Variants in ZNF654 observed in about 807,000 individuals in gnomAD.
The protein encoded by ZNF654 is zinc finger protein 654.
A neutral mutation model predicts 95.3 loss-of-function variants in ZNF654; 19 were observed. The observed-to-expected ratio is 0.20, with a 90% CI of 0.14 to 0.29. The LOEUF is 0.29. ZNF654 is among the 10% of genes least tolerant of loss of function. The probability of loss-of-function intolerance (pLI) is 1.00; values close to 1 mark genes in which losing one functional copy is unlikely to be tolerated. For missense variants in ZNF654, 1,046 were observed against 1,341.0 expected (o/e 0.78, Z 3.44); for synonymous variants, 413 against 457.9 (o/e 0.90, Z 1.25).
chr3:88,083,756 C>T (rs1360244051), intron 1 of ZNF654, among the ~76,000 whole-genome samples: 1 of 152,008 alleles, frequency 6.6e-6, no homozygotes, highest in African/African-American at 2.4e-5. Context: ...GCAGCTTCAG[C>T]GTTATCCTGG....
In ZNF654 at chr3:88,140,918, G is replaced by A. The variant is rs758197083; in HGVS notation, c.3249G>A (p.Val1083=). 6.2e-7 allele frequency: 1 copy of A among 1,613,532 alleles called. No homozygotes were observed. The highest frequency in any genetic ancestry group is 8.5e-7 in the Non-Finnish European group (1 of 1,179,616). ...RVDACSDQDN[V]YKKSVKRLRC... is the part of the protein sequence containing the mutation. ...ATGCCTGTTCTGATCAAGATAACGTGTATAAAAAATCAGTGAAAAGATTAA... is the reference window on the plus strand; with the variant it reads ...ATGCCTGTTCTGATCAAGATAACGTATATAAAAAATCAGTGAAAAGATTAA... Residue 1083 remains valine (V), a synonymous_variant, in exon 8 of 9, where the codon GTG becomes GTA. Transcript: ENST00000636215.
At chr3:88,083,184 G>A (rs1390376900) in intron 1 of ZNF654, among the ~76,000 whole-genome samples, 4 of 152,172 alleles carry the variant, frequency 2.6e-5, no homozygotes, top group Non-Finnish European at 5.9e-5. Context: ...CAGTCCCATC[G>A]GGGGGTTAGG....
chr3:88,100,798 C>A (rs915201632), intron 2 of ZNF654, among the ~76,000 whole-genome samples: 1 of 150,594 alleles, frequency 6.6e-6, no homozygotes, highest in Non-Finnish European at 1.5e-5. Context: ...CATCACACAG[C>A]GGGGCCTGTC....
At chr3:88,093,560 AC>A (rs774228689) in intron 2 of ZNF654, among the ~76,000 whole-genome samples, 68 of 152,200 alleles carry the variant, frequency 4.5e-4, no homozygotes, top group Non-Finnish European at 8.4e-4. Flanking sequence ...AAGAGAAAAG[AC>A]CAAAGGGTCT....
chr3:88,105,135 T>C (rs1436443668), intron 2 of ZNF654, among the ~76,000 whole-genome samples: 1 of 152,198 alleles, frequency 6.6e-6, no homozygotes, highest in Non-Finnish European at 1.5e-5. Flanking sequence ...CAAGACTCCA[T>C]CTCAGAAAAC....
chr3:88,069,986 G>A (rs1176010476), intron 1 of ZNF654, among the ~76,000 whole-genome samples: 3 of 152,062 alleles, frequency 2.0e-5, no homozygotes, highest in South Asian at 4.2e-4. Flanking sequence ...TTTATCTGTC[G>A]TACTGTCATT....
intron 5 of ZNF654, among the ~76,000 whole-genome samples, chr3:88,129,341 A>AC (rs1463550769): frequency 6.6e-6 from 1 of 151,020 alleles, no homozygotes; most frequent in African/African-American, 2.4e-5. Context: ...AAAAAAAAAA[A>AC]AAAACCCAAG....
intron 1 of ZNF654, among the ~76,000 whole-genome samples, chr3:88,065,176 G>C (rs1352650037): frequency 6.6e-6 from 1 of 152,118 alleles, no homozygotes; most frequent in South Asian, 2.1e-4. Flanking sequence ...CATAAAAGGT[G>C]AATTCCCTGG....
intron 1 of ZNF654, among the ~76,000 whole-genome samples, chr3:88,071,866 C>T (rs1194432534): frequency 6.6e-6 from 1 of 152,162 alleles, no homozygotes; most frequent in Non-Finnish European, 1.5e-5. Context: ...TTGTACTGTA[C>T]TTTTAAGACT....
At chr3:88,072,519 T>C (rs1707572654) in intron 1 of ZNF654, among the ~76,000 whole-genome samples, 1 of 152,180 alleles carries the variant, frequency 6.6e-6, no homozygotes, top group Admixed American at 6.5e-5. Flanking sequence ...ATCTGCTTCT[T>C]GGCTTTTGTT....
At chr3:88,066,023 C>T (rs1246867098) in intron 1 of ZNF654, among the ~76,000 whole-genome samples, 1 of 152,146 alleles carries the variant, frequency 6.6e-6, no homozygotes, top group African/African-American at 2.4e-5. Flanking sequence ...CATGAGCTAC[C>T]GCGCCTAGCC....
At chr3:88,105,913 T>C (rs1431952964) in intron 2 of ZNF654, among the ~76,000 whole-genome samples, 2 of 152,134 alleles carry the variant, frequency 1.3e-5, no homozygotes, top group African/African-American at 4.8e-5. Context: ...CCCTCACAGG[T>C]GGGATTAATG....
At position 88,102,628 on chromosome 3, in the gene ZNF654, G is replaced by A. The variant is rs146917599; in HGVS notation, c.333-10487G>A. On this transcript the variant is annotated intron_variant, in intron 2 of 8. Transcript: ENST00000636215. ...AGTATCTGGCAATTCAGCCTCTCCT[G>A]TAAATCCAATAGAATAGTGCAAGAA... Among the ~76,000 whole-genome samples the A allele has an allele frequency of 2.3e-3, 353 of 152,214 alleles. 2 individuals are homozygous for A. The highest frequency in any genetic ancestry group is 7.9e-3 in the African/African-American group (327 of 41,532).
intron 2 of ZNF654, among the ~76,000 whole-genome samples, chr3:88,093,418 G>T (rs1192996675): frequency 7.9e-5 from 12 of 152,190 alleles, no homozygotes; most frequent in Non-Finnish European, 1.2e-4. Context: ...AGGTAGAGGT[G>T]AGTTATGGGA....
At chr3:88,062,299 A>G (rs892399157) in intron 1 of ZNF654, among the ~76,000 whole-genome samples, 1 of 152,222 alleles carries the variant, frequency 6.6e-6, no homozygotes, top group Non-Finnish European at 1.5e-5. Flanking sequence ...CTTAGTTTCC[A>G]TTATGTAGAC....
chr3:88,132,252 G>A (rs1342614127), intron 6 of ZNF654, among the ~76,000 whole-genome samples: 3 of 152,030 alleles, frequency 2.0e-5, no homozygotes, highest in African/African-American at 7.2e-5. Flanking sequence ...AAAAAATTCT[G>A]TATTGTAAGG....
intron 2 of ZNF654, chr3:88,095,526 G>T: frequency 2.0e-6 from 1 of 487,990 alleles, no homozygotes; most frequent in South Asian, 1.5e-5. Context: ...AGCTTCTTTT[G>T]CAAGAACCAG....
At chr3:88,128,744 C>A in intron 4 of ZNF654, 65 bp from the exon 5 acceptor site, 2 of 1,197,188 alleles carry the variant, frequency 1.7e-6, no homozygotes, top group Non-Finnish European at 2.3e-6. Flanking sequence ...GGTAAAGTTT[C>A]AAAGAACAAA....
At chr3:88,116,405 A>T (rs1030302714) in intron 3 of ZNF654, among the ~76,000 whole-genome samples, 4 of 151,870 alleles carry the variant, frequency 2.6e-5, no homozygotes, top group African/African-American at 4.8e-5. Context: ...CTGTAATCCC[A>T]GCTACTTGGG....
Sources: gnomAD v4.1 joint callset for allele counts (sites outside exome capture counted in the v4.1 genomes callset) on GRCh38, gnomAD v4.1.1 for gene constraint, MANE v1.5 for transcripts, NCBI Gene and HGNC (gene_info 2026-07-23, HGNC 2026-07-21) for gene names.